CEP63: variants seen among roughly 807,000 people sequenced by gnomAD.
CEP63 encodes the protein centrosomal protein of 63 kDa.
A neutral mutation model predicts 89.1 loss-of-function variants in CEP63; 84 were observed. The ratio of observed to expected loss-of-function variants is 0.94; its 90% CI spans 0.79 to 1.13. The LOEUF (loss-of-function observed/expected upper bound fraction) is 1.13. Among genes scored for constraint, CEP63 ranks in the 50% most tolerant of loss-of-function variants. The pLI, the probability that CEP63 is intolerant of heterozygous loss-of-function variation, is 0.00. For missense variants in CEP63, 838 were observed against 813.3 expected, an observed-to-expected ratio of 1.03 and a Z score of -0.37; for synonymous variants, 267 against 272.5, an observed-to-expected ratio of 0.98 and a Z score of 0.20.
At chr3:134,493,034 A>G (rs1169033997) in intron 1 of CEP63, among the ~76,000 whole-genome samples, 1 of 152,180 alleles carries the variant, frequency 6.6e-6, no homozygotes, top group Admixed American at 6.5e-5. Context: ...TAGAAAATAT[A>G]TTAATGTATA....
chr3:134,723,969 C>T, the CEP63 span, among the ~76,000 whole-genome samples: 2 of 152,198 alleles, frequency 1.3e-5, no homozygotes, highest in Non-Finnish European at 2.9e-5. Context: ...CACAGGGCTA[C>T]GGCTTAGATC....
chr3:134,533,807 T>G (rs1950270122), intron 5 of CEP63, among the ~76,000 whole-genome samples: 1 of 152,244 alleles, frequency 6.6e-6, no homozygotes, highest in South Asian at 2.1e-4. Context: ...AAGTTTGTAC[T>G]CTGGGTGACC....
chr3:134,763,109 T>C, the CEP63 span, among the ~76,000 whole-genome samples: 1 of 152,096 alleles, frequency 6.6e-6, no homozygotes, highest in African/African-American at 2.4e-5. Context: ...CTTTAAGTTT[T>C]AGGGTACATA....
chr3:134,651,387 G>A, the CEP63 span: 1 of 1,101,840 alleles, frequency 9.1e-7, no homozygotes, highest in Non-Finnish European at 1.1e-6. Context: ...GAGGGCTGGA[G>A]CCGACCTCCC....
chr3:134,746,404 T>C, the CEP63 span, among the ~76,000 whole-genome samples: 4 of 152,192 alleles, frequency 2.6e-5, no homozygotes, highest in Non-Finnish European at 5.9e-5. Context: ...GTCTTTATAG[T>C]AGCATGATTT....
the CEP63 span, among the ~76,000 whole-genome samples, chr3:134,729,755 A>C: frequency 6.6e-6 from 1 of 152,216 alleles, no homozygotes; most frequent in Non-Finnish European, 1.5e-5. Flanking sequence ...ATAGTTCTAG[A>C]CCTCAACGCC....
At chr3:134,685,965 T>G in the CEP63 span, among the ~76,000 whole-genome samples, 1 of 152,220 alleles carries the variant, frequency 6.6e-6, no homozygotes, top group Admixed American at 6.5e-5. Context: ...GTTACCTACA[T>G]TTCCTCTTCT....
In CEP63 at chr3:134,564,721, C is replaced by T. The variant is rs1195621887; in HGVS notation, c.*3186C>T. 8.1e-6 allele frequency: 8 copies of T among 985,296 alleles called. No homozygotes were observed. The highest frequency in any genetic ancestry group is 3.5e-5 in the African/African-American group (2 of 57,240). The allele number at this position is 985,296 out of a possible 1,614,324, so 61.0% of individuals were successfully genotyped here. On this transcript the variant is annotated 3_prime_UTR_variant, in exon 15 of 15. Transcript: ENST00000675561. ...ACTGTACCTATGTGCATTGCTGTTA[C>T]ATTCAGGAGATTTCTGAGTTTTAGA...
At chr3:134,737,593 G>T in the CEP63 span, among the ~76,000 whole-genome samples, 2 of 152,180 alleles carry the variant, frequency 1.3e-5, no homozygotes, top group African/African-American at 4.8e-5. Flanking sequence ...GTGGCTTAAA[G>T]AAACCACTAT....
the CEP63 span, among the ~76,000 whole-genome samples, chr3:134,718,966 T>C: frequency 2.0e-5 from 3 of 152,220 alleles, no homozygotes; most frequent in African/African-American, 4.8e-5. Flanking sequence ...GTAACAGTTG[T>C]AGAGAAGCCA....
chr3:134,650,707 G>C, the CEP63 span: 3 of 940,612 alleles, frequency 3.2e-6, no homozygotes, highest in Non-Finnish European at 4.6e-6. Context: ...ATGGGGGAGA[G>C]GGTCGGGTTC....
At chr3:134,725,567 G>A in the CEP63 span, among the ~76,000 whole-genome samples, 14 of 152,174 alleles carry the variant, frequency 9.2e-5, no homozygotes, top group Non-Finnish European at 1.6e-4. Flanking sequence ...ATTTTTATGT[G>A]CATTCTCCTG....
At chr3:134,494,092 A>ATTTT (rs1938777839) in intron 1 of CEP63, among the ~76,000 whole-genome samples, 1 of 143,522 alleles carries the variant, frequency 7.0e-6, no homozygotes, top group African/African-American at 2.6e-5. Context: ...CCTTTATTTT[A>ATTTT]TATTTATTTA....
chr3:134,679,766 A>G, the CEP63 span, among the ~76,000 whole-genome samples: 2 of 152,210 alleles, frequency 1.3e-5, no homozygotes, highest in Admixed American at 6.5e-5. Context: ...TCTGTTACCC[A>G]GGCTGGAGTG....
the CEP63 span, among the ~76,000 whole-genome samples, chr3:134,657,288 A>G: frequency 6.6e-6 from 1 of 152,186 alleles, no homozygotes; most frequent in African/African-American, 2.4e-5. Flanking sequence ...CCATGATTCA[A>G]TTGCCTTCCT....
the CEP63 span, among the ~76,000 whole-genome samples, chr3:134,756,512 C>T: frequency 5.3e-5 from 8 of 152,264 alleles, no homozygotes; most frequent in Admixed American, 2.0e-4. Flanking sequence ...TGCCACCACA[C>T]CTGGATAGTT....
the CEP63 span, among the ~76,000 whole-genome samples, chr3:134,750,083 G>A: frequency 2.0e-5 from 3 of 152,368 alleles, no homozygotes; most frequent in African/African-American, 7.2e-5. Context: ...TTCCTGGGCT[G>A]CTTTCCCTGG....
the CEP63 span, among the ~76,000 whole-genome samples, chr3:134,702,369 T>G: frequency 6.6e-6 from 1 of 150,958 alleles, no homozygotes; most frequent in East Asian, 1.9e-4. Flanking sequence ...AAAACTATTT[T>G]GAAATTTATG....
the CEP63 span, chr3:134,779,643 T>C: frequency 6.6e-6 from 1 of 152,324 alleles, no homozygotes; most frequent in East Asian, 1.9e-4. Context: ...TCCTCACTAG[T>C]GGAATTTAAG....
Sources: gnomAD v4.1 joint callset for allele counts (sites outside exome capture counted in the v4.1 genomes callset) on GRCh38, gnomAD v4.1.1 for gene constraint, MANE v1.5 for transcripts, NCBI Gene and HGNC (gene_info 2026-07-23, HGNC 2026-07-21) for gene names.